PAK1: variants seen among roughly 807,000 people sequenced by gnomAD.
The protein encoded by PAK1 is p21 (RAC1) activated kinase 1.
A neutral mutation model predicts 67.4 loss-of-function variants in PAK1; 29 were observed. The observed-to-expected ratio is 0.43, with a 90% CI of 0.32 to 0.59. The LOEUF (loss-of-function observed/expected upper bound fraction) is 0.59. PAK1 is among the 20% of genes least tolerant of loss of function. The probability of loss-of-function intolerance (pLI) is 0.07; values close to 1 mark genes in which losing one functional copy is unlikely to be tolerated. For synonymous variants in PAK1, 223 were observed against 237.4 expected (o/e 0.94, Z 0.56); for missense variants, 337 against 670.7 (o/e 0.50, Z 5.50).
chr11:77,417,549 C>T (rs1046047901), intron 1 of PAK1, among the ~76,000 whole-genome samples: 26 of 152,168 alleles, frequency 1.7e-4, no homozygotes, highest in African/African-American at 4.6e-4. Flanking sequence ...ATACTATAAT[C>T]GTGGATACAC....
At chr11:77,438,310 G>A (rs1956215684) in intron 1 of PAK1, among the ~76,000 whole-genome samples, 1 of 152,120 alleles carries the variant, frequency 6.6e-6, no homozygotes, top group Admixed American at 6.5e-5. Context: ...GCACCAAGGG[G>A]ATAGTGCTAA....
chr11:77,393,301 G>A (rs1342396026), intron 1 of PAK1, among the ~76,000 whole-genome samples: 1 of 151,196 alleles, frequency 6.6e-6, no homozygotes, highest in African/African-American at 2.4e-5. Context: ...GAGAGAGAGA[G>A]AGAGAGAGAG....
intron 5 of PAK1, among the ~76,000 whole-genome samples, chr11:77,370,234 A>G (rs1175163657): frequency 2.0e-5 from 3 of 152,044 alleles, no homozygotes; most frequent in Non-Finnish European, 4.4e-5. Context: ...ACTTTAATGT[A>G]TTTTCCTTCA....
At chr11:77,349,750 G>T (rs1244776268) in intron 8 of PAK1, among the ~76,000 whole-genome samples, 1 of 151,738 alleles carries the variant, frequency 6.6e-6, no homozygotes, top group Non-Finnish European at 1.5e-5. Flanking sequence ...ATTTCTTGTG[G>T]CTTCAAACTC....
chr11:77,325,406 C>G, intron 14 of PAK1: 1 of 1,609,464 alleles, frequency 6.2e-7, no homozygotes, highest in Non-Finnish European at 8.5e-7. Context: ...ACCTATGACT[C>G]ACAGAGTTGT....
the PAK1 span, among the ~76,000 whole-genome samples, chr11:77,482,880 A>G: frequency 1.3e-4 from 20 of 152,236 alleles, no homozygotes; most frequent in African/African-American, 4.8e-4. Flanking sequence ...TGCTAAGATT[A>G]CAGGCATGAG....
intron 1 of PAK1, among the ~76,000 whole-genome samples, chr11:77,393,219 CT>C (rs1951367404): frequency 6.6e-6 from 1 of 151,644 alleles, no homozygotes; most frequent in South Asian, 2.1e-4. Flanking sequence ...TTGCTAACCC[CT>C]GAGACTATAT....
At chr11:77,417,122 A>G (rs1194115508) in intron 1 of PAK1, among the ~76,000 whole-genome samples, 1 of 152,220 alleles carries the variant, frequency 6.6e-6, no homozygotes, top group Non-Finnish European at 1.5e-5. Context: ...TTATGTGATT[A>G]TAGTATTCCT....
Position 77,459,812 on chromosome 11 carries a change from C to A in PAK1, c.-22+13740G>T, listed in dbSNP as rs554922510. Among the ~76,000 whole-genome samples, 4 of 139,278 alleles carry A rather than the reference C, an allele frequency of 2.9e-5. No individual in the cohort carries two copies. The South Asian group carries it at 8.6e-4, about 30-fold the overall frequency. The allele number at this position is 139,278 out of a possible 152,430, so 91.4% of individuals were successfully genotyped here. ...GGTTCACGCCATTCTCCTGCCTGAG[C>A]CACCCCCGCGAGCAGCTGGGACTAC... On this transcript the variant is annotated intron_variant, in intron 1 of 14. Transcript: ENST00000356341.
chr11:77,388,068 G>A (rs1213994741), intron 2 of PAK1, among the ~76,000 whole-genome samples: 1 of 152,192 alleles, frequency 6.6e-6, no homozygotes, highest in Admixed American at 6.5e-5. Flanking sequence ...TGTAACCAAA[G>A]GATGAAAGAT....
At chr11:77,339,014 C>T (rs10899372) in intron 11 of PAK1, among the ~76,000 whole-genome samples, 21,061 of 151,850 alleles carry the variant, frequency 0.14, 3,264 homozygotes, top group African/African-American at 0.38. Context: ...ATGATGGTGG[C>T]TGTACAACTC....
At chr11:77,357,729 T>A (rs1215999451) in intron 6 of PAK1, among the ~76,000 whole-genome samples, 1 of 152,170 alleles carries the variant, frequency 6.6e-6, no homozygotes, top group African/African-American at 2.4e-5. Context: ...GAATTACCAA[T>A]ACCTTTTTAG....
intron 2 of PAK1, among the ~76,000 whole-genome samples, chr11:77,385,516 T>A (rs997204902): frequency 6.6e-6 from 1 of 152,332 alleles, no homozygotes; most frequent in East Asian, 1.9e-4. Context: ...GTAACATATA[T>A]AACTGACAGA....
At chr11:77,485,418 T>C in the PAK1 span, among the ~76,000 whole-genome samples, 3 of 152,176 alleles carry the variant, frequency 2.0e-5, no homozygotes, top group African/African-American at 7.2e-5. Context: ...TATCAAAATA[T>C]TCCATATACC....
the PAK1 span, among the ~76,000 whole-genome samples, chr11:77,512,231 T>C: frequency 1.3e-5 from 2 of 152,318 alleles, no homozygotes; most frequent in African/African-American, 4.8e-5. Flanking sequence ...ACCGAAGCAG[T>C]TCCCCCTTTG....
intron 2 of PAK1, among the ~76,000 whole-genome samples, chr11:77,383,255 GGGAGA>G (rs891616635): frequency 2.6e-5 from 4 of 152,020 alleles, no homozygotes; most frequent in Non-Finnish European, 5.9e-5. Context: ...TGGTTGAAGT[GGGAGA>G]GGAGAGAAGT....
At chr11:77,493,512 T>C in the PAK1 span, among the ~76,000 whole-genome samples, 12 of 146,216 alleles carry the variant, frequency 8.2e-5, no homozygotes, top group African/African-American at 3.1e-4. Context: ...AGGCTGGTCT[T>C]GAACTCCAGA....
chr11:77,429,993 A>G (rs1380046048), intron 1 of PAK1, among the ~76,000 whole-genome samples: 1 of 152,214 alleles, frequency 6.6e-6, no homozygotes, highest in Non-Finnish European at 1.5e-5. Flanking sequence ...TAAAAACAAA[A>G]CAGATGATGA....
the PAK1 span, among the ~76,000 whole-genome samples, chr11:77,499,832 C>A: frequency 8.7e-3 from 1,331 of 152,226 alleles, 25 homozygotes; most frequent in African/African-American, 0.03. Flanking sequence ...GAGCAGTAGA[C>A]TTTCCGGCAT....
Sources: allele counts gnomAD v4.1 joint callset (sites outside exome capture counted in the v4.1 genomes callset), GRCh38; gene constraint gnomAD v4.1.1; transcripts MANE v1.5; gene names NCBI Gene and HGNC (gene_info 2026-07-23, HGNC 2026-07-21).